PSCA: variants seen among roughly 807,000 people sequenced by gnomAD.
PSCA encodes prostate stem cell antigen.
Under a neutral mutation model 7.9 loss-of-function variants are expected in PSCA, and 7 were observed. The ratio of observed to expected loss-of-function variants is 0.89; its 90% CI spans 0.51 to 1.67. The LOEUF is 1.67. Among genes scored for constraint, PSCA ranks in the 40% most tolerant of loss-of-function variants. PSCA has a pLI of 0.00. For missense variants in PSCA, 151 were observed against 147.9 expected, an observed-to-expected ratio of 1.02 and a Z score of -0.11; for synonymous variants, 61 against 68.3, an observed-to-expected ratio of 0.89 and a Z score of 0.53.
At chr8:142,672,476 C>T (rs1477517252) in intron 1 of PSCA, among the ~76,000 whole-genome samples, 11 of 152,222 alleles carry the variant, frequency 7.2e-5, no homozygotes, top group African/African-American at 2.4e-4. Context: ...GGCTGAGTCA[C>T]GGAGCATACC....
rs587705223 is a variant in PSCA, at chr8:142,673,222, TTATTTTTAACTCC to T, written n.261+2666_261+2678del. ...TACCCTCACTATCTGCCTAAATAAT[TTATTTTTAACTCC>T]TATTTTTAACTGCCACCTCAGGGAC... On this transcript the variant is annotated intron_variant and non_coding_transcript_variant, in intron 1 of 1. Coordinates refer to the PSCA transcript ENST00000505305. This position sits in a 1 kb window ranked among gnomAD's most constrained non-coding sequence, Gnocchi z 4.6. Among the ~76,000 whole-genome samples, 92 of 152,308 alleles carry T rather than the reference TTATTTTTAACTCC, an allele frequency of 6.0e-4. No homozygotes were observed. The highest frequency in any genetic ancestry group is 2.1e-3 in the African/African-American group (88 of 41,566).
At position 142,682,076 on chromosome 8, in the gene PSCA, A is replaced by G; in HGVS notation, c.289A>G (p.Ile97Val). The G allele has an allele frequency of 1.9e-6, 3 of 1,607,986 alleles. No individual in the cohort carries two copies. In the South Asian group the frequency reaches 3.3e-5, roughly 18 times the overall value. Residue 97 changes from isoleucine to valine, a missense_variant, in exon 3 of 3, where the codon ATC becomes GTC. By Grantham distance (29) the Ile-to-Val change is conservative. Transcript: ENST00000301258. ...CCATGCCCTGCAGCCGGCTGCTGCC[A>G]TCCTTGCGCTGCTCCCTGCACTCGG... ...GAHALQPAAA[I>V]LALLPALGLL...
intron 1 of PSCA, among the ~76,000 whole-genome samples, chr8:142,674,537 C>T (rs1847374970): frequency 6.6e-6 from 1 of 152,200 alleles, no homozygotes; most frequent in Non-Finnish European, 1.5e-5. Context: ...GCTGTTATGC[C>T]CAGAAATGAC....
intron 2 of PSCA, 193 bp from the exon 3 acceptor site, chr8:142,681,728 G>A (rs2129875483): frequency 1.6e-6 from 1 of 607,956 alleles, no homozygotes; most frequent in Non-Finnish European, 2.9e-6. Context: ...CTCAGCGGGT[G>A]GTCCATCTGC....
At chr8:142,675,932 T>C (rs1554637784), upstream of PSCA, 2 of 152,262 alleles carry the variant, frequency 1.3e-5, no homozygotes, top group African/African-American at 4.8e-5. Flanking sequence ...ATTTTTTTAA[T>C]TAATGCTGCA....
chr8:142,681,407 G>T lies in PSCA; in HGVS notation c.106G>T (p.Gly36Trp). 5 of 1,593,334 alleles carry T rather than the reference G, an allele frequency of 3.1e-6. No homozygotes were observed. Among genetic ancestry groups the T allele is most frequent in the Non-Finnish European group, 4.3e-6 (5 of 1,170,270 alleles). The change falls in exon 2 of 3, where the codon GGG (glycine) becomes TGG (tryptophan). Residue 36 changes from glycine (G) to tryptophan (W), a missense_variant. Physicochemically the swap from Gly to Trp is radical, Grantham distance 184. Transcript: ENST00000301258. ...CLQVENCTQL[G>W]EQCWTARIRA... ...GCAGGTGGAGAACTGCACCCAGCTG[G>T]GGGAGCAGTGCTGGACCGCGCGCAT...
chr8:142,682,586 G>A lies in PSCA; in HGVS notation c.*454G>A, dbSNP rs1477457745. The A allele has an allele frequency of 5.1e-5, 19 of 371,306 alleles. No individual in the cohort carries two copies. In the Admixed American group the frequency reaches 6.0e-4, roughly 12 times the overall value. The allele number at this position is 371,306 out of a possible 1,614,324, so 23.0% of individuals were successfully genotyped here. A position where few individuals can be genotyped will look rare whatever the true frequency, so the allele number is the denominator to read the frequency against. On this transcript the variant is annotated 3_prime_UTR_variant, in exon 3 of 3. Transcript: ENST00000301258. ...GACTGAGTAGAACTGGAGGACAGGA[G>A]TCGACGTGAGTTCCTGGGAGTCTCC...
chr8:142,670,797 T>G (rs1450114029), intron 1 of PSCA, among the ~76,000 whole-genome samples: 2 of 152,196 alleles, frequency 1.3e-5, no homozygotes, highest in African/African-American at 4.8e-5. Context: ...GTTAAGATTC[T>G]TTAGGTGGAG....
chr8:142,682,248 G>C lies in PSCA; in HGVS notation c.*116G>C, dbSNP rs1158875011. Reference sequence around the variant, plus strand: ...CCTGGTTCCTGAGGCACATCCTAACGCAAGTCTGACCATGTATGTCTGCGC... The same window carrying C: ...CCTGGTTCCTGAGGCACATCCTAACCCAAGTCTGACCATGTATGTCTGCGC... On this transcript the variant is annotated 3_prime_UTR_variant, in exon 3 of 3. Coordinates refer to ENST00000301258, the MANE Select transcript of PSCA (RefSeq NM_005672.5). 2 of 1,285,948 alleles carry C rather than the reference G, an allele frequency of 1.6e-6. No homozygotes were observed. Among genetic ancestry groups the C allele is most frequent in the African/African-American group, 1.5e-5 (1 of 68,260 alleles). 79.7% of individuals were successfully genotyped at this position (1,285,948 alleles called of 1,614,324 possible). A position where few individuals can be genotyped will look rare whatever the true frequency, so the allele number is the denominator to read the frequency against.
At chr8:142,671,586 C>T (rs1266877142) in intron 1 of PSCA, among the ~76,000 whole-genome samples, 1 of 152,296 alleles carries the variant, frequency 6.6e-6, no homozygotes, top group East Asian at 1.9e-4. Context: ...TAGGGTCTCA[C>T]TCTGTTGCCC....
intron 1 of PSCA, among the ~76,000 whole-genome samples, chr8:142,675,297 C>G (rs1046136726): frequency 6.6e-6 from 1 of 152,084 alleles, no homozygotes; most frequent in East Asian, 1.9e-4. Context: ...GGGGCAGGGG[C>G]TGGGGCAGTG....
At position 142,673,736 on chromosome 8, in the gene PSCA, A is replaced by C. The variant is rs1352797873; in HGVS notation, n.261+3168A>C. ...TGAGTTTGCGTCCAGGTGGGGCCAC[A>C]GGACCGGCTGCGGGGTTGGTGGGCC... On this transcript the variant is annotated intron_variant and non_coding_transcript_variant, in intron 1 of 1. Transcript: ENST00000505305. The surrounding 1 kb of genome is among the most constrained non-coding windows in gnomAD (Gnocchi z 4.6). Among the ~76,000 whole-genome samples, 1 of 152,244 alleles carries C rather than the reference A, an allele frequency of 6.6e-6. No individual in the cohort carries two copies. Among genetic ancestry groups the C allele is most frequent in the Non-Finnish European group, 1.5e-5 (1 of 68,034 alleles).
chr8:142,680,327 G>A (rs1847446756), upstream of PSCA: 1 of 607,606 alleles, frequency 1.6e-6, no homozygotes, highest in Admixed American at 2.8e-5. Context: ...TCCAGAGGTG[G>A]AAAGAAGGAC....
In PSCA at chr8:142,682,322, C is replaced by A; in HGVS notation, c.*190C>A. 1 of 752,892 alleles carries A rather than the reference C, an allele frequency of 1.3e-6. No homozygotes were observed. The highest frequency in any genetic ancestry group is 2.3e-6 in the Non-Finnish European group (1 of 431,944). 46.6% of individuals were successfully genotyped at this position (752,892 alleles called of 1,614,324 possible). A position where few individuals can be genotyped will look rare whatever the true frequency, so the allele number is the denominator to read the frequency against. The stretch of plus-strand genomic sequence containing the variant: ...CCATGGCCCTCTCCAGGACTCCCAC[C>A]CGGCAGATCGGCTCTATTGACACAG... On this transcript the variant is annotated 3_prime_UTR_variant, in exon 3 of 3. Transcript: ENST00000301258.
chr8:142,680,658 G>A (rs913966820), intron 1 of PSCA, 95 bp downstream of exon 1: 3 of 1,469,582 alleles, frequency 2.0e-6, no homozygotes, highest in African/African-American at 1.4e-5. Flanking sequence ...GGAGGGGAAG[G>A]AAGGAGGAAG....
Position 142,681,446 on chromosome 8 carries a change from G to GC in PSCA, c.133+12_133+13insC. ...GACCGCGCGCATCCGTGAGTGGGGG[G>GC]ACGACAGCCGCCAGGCCTAGGTCTC... On this transcript the variant is annotated intron_variant, in intron 2 of 2. Transcript: ENST00000301258. The GC allele has an allele frequency of 6.3e-7, 1 of 1,575,422 alleles. No individual in the cohort carries two copies.
At chr8:142,679,503 G>A (rs1480978851), upstream of PSCA, among the ~76,000 whole-genome samples, 1 of 152,262 alleles carries the variant, frequency 6.6e-6, no homozygotes, top group Non-Finnish European at 1.5e-5. Flanking sequence ...GCCCCCAGGA[G>A]ACCCTGAGAA....
intron 2 of PSCA, 138 bp downstream of exon 2, chr8:142,681,572 C>A: frequency 1.4e-6 from 1 of 725,424 alleles, no homozygotes. Context: ...CCCCAACAAT[C>A]ACCCAGCATC....
rs1461948006 is a variant in PSCA at position 142,681,604 on chromosome 8, C to T, written c.133+170C>T. 19 of 653,136 alleles carry T rather than the reference C, an allele frequency of 2.9e-5. No individual in the cohort carries two copies. In the African/African-American group the frequency reaches 3.4e-4, roughly 12 times the overall value. 40.5% of individuals were successfully genotyped at this position (653,136 alleles called of 1,614,324 possible). ...CATCTGTCCCTCCAGCCATCCTCCT[C>T]CATCTGCCACTCCTCCACTCATCTG... On this transcript the variant is annotated intron_variant, in intron 2 of 2. Transcript: ENST00000301258.
Sources: allele counts gnomAD v4.1 joint callset (sites outside exome capture counted in the v4.1 genomes callset), GRCh38; gene constraint gnomAD v4.1.1; non-coding constraint Gnocchi (gnomAD v3.1); transcripts MANE v1.5; gene names NCBI Gene and HGNC (gene_info 2026-07-23, HGNC 2026-07-21).